SEC31A: variants seen among roughly 807,000 people sequenced by gnomAD.
SEC31A encodes the protein SEC31 homolog A, COPII component, also known as protein transport protein Sec31A.
A neutral mutation model predicts 151.0 loss-of-function variants in SEC31A; 70 were observed. The ratio of observed to expected loss-of-function variants is 0.46; its 90% CI spans 0.38 to 0.57. The LOEUF (loss-of-function observed/expected upper bound fraction) is 0.57. SEC31A is among the 20% of genes least tolerant of loss of function. The pLI is 0.00. For missense variants in SEC31A, 1,330 were observed against 1,471.2 expected (o/e 0.90, Z 1.57); for synonymous variants, 475 against 505.9 (o/e 0.94, Z 0.82).
intron 18 of SEC31A, among the ~76,000 whole-genome samples, chr4:82,852,646 C>T (rs1731708877): frequency 6.6e-6 from 1 of 152,044 alleles, no homozygotes; most frequent in Non-Finnish European, 1.5e-5. Context: ...AAATCTCTTT[C>T]CAGAAAGAGA....
At chr4:82,883,988 C>CT (rs11373334) in intron 1 of SEC31A, among the ~76,000 whole-genome samples, 121,298 of 125,950 alleles carry the variant, frequency 0.96, 58,621 homozygotes, top group South Asian at 0.99. Context: ...CTTTTCTATT[C>CT]TTTTTTTTTT....
Position 82,864,372 on chromosome 4 carries a change from G to C in SEC31A, c.1424C>G (p.Ser475Cys). The change falls in exon 11 of 27, where the codon TCC becomes TGC. Residue 475 changes from serine to cysteine, a missense_variant. Coordinates refer to ENST00000395310, the MANE Select transcript of SEC31A (RefSeq NM_001077207.4). ...SQTEFEKNVWSFLKVNFEDDS... is the reference protein window; with the variant it reads ...SQTEFEKNVWCFLKVNFEDDS... The stretch of plus-strand genomic sequence containing the variant: ...AAACAGCAACTTTACCTTCAAAAAG[G>C]ACCACACATTTTTCTCAAATTCAGT... The C allele has an allele frequency of 1.9e-6, 3 of 1,610,792 alleles. No individual in the cohort carries two copies. The South Asian group carries it at 3.3e-5, about 18-fold the overall frequency.
chr4:82,849,428 C>T (rs1730958723), intron 19 of SEC31A, among the ~76,000 whole-genome samples: 1 of 152,084 alleles, frequency 6.6e-6, no homozygotes, highest in East Asian at 1.9e-4. Flanking sequence ...TCCTGGCTAA[C>T]ACGGTGAAAC....
At chr4:82,839,167 T>G (rs1227345977) in intron 22 of SEC31A, among the ~76,000 whole-genome samples, 3 of 152,100 alleles carry the variant, frequency 2.0e-5, no homozygotes, top group African/African-American at 4.8e-5. Flanking sequence ...TTTTCTTTTT[T>G]GAGATGGAGT....
intron 17 of SEC31A, among the ~76,000 whole-genome samples, chr4:82,854,491 G>C (rs982657114): frequency 6.6e-6 from 1 of 151,504 alleles, no homozygotes; most frequent in African/African-American, 2.4e-5. Context: ...TTTATTCCTT[G>C]GCCACCAGTT....
rs141976934 is a variant in SEC31A, at chr4:82,842,451, C to A, written c.2657G>T (p.Gly886Val). 2 of 1,613,236 alleles carry A rather than the reference C, an allele frequency of 1.2e-6. No homozygotes were observed. The highest frequency in any genetic ancestry group is 1.7e-6 in the Non-Finnish European group (2 of 1,179,682). Residue 886 changes from glycine to valine, a missense_variant, in exon 22 of 27, where the codon GGA becomes GTA. Transcript: ENST00000395310. ...PYQPAQPYPF[G>V]TGGSAMYRPQ... ...TCGATACATTGCTGACCCCCCTGTT[C>A]CGAAGGGATACGGCTGGGCTGGTTG...
At chr4:82,877,169 C>T (rs1738153287) in intron 4 of SEC31A, among the ~76,000 whole-genome samples, 1 of 152,090 alleles carries the variant, frequency 6.6e-6, no homozygotes, top group African/African-American at 2.4e-5. Flanking sequence ...GTCAAGACTG[C>T]AGTGAGTCAT....
At chr4:82,828,673 C>CAAA (rs397994259) in intron 23 of SEC31A, among the ~76,000 whole-genome samples, 2,193 of 44,052 alleles carry the variant, frequency 0.05, 170 homozygotes, top group Non-Finnish European at 0.056. Flanking sequence ...CAAAGTAACT[C>CAAA]AAAAAAAAAA....
rs972599246 is a variant in SEC31A, at chr4:82,834,914, C to T, written c.2969-5856G>A. Reference sequence around the variant, plus strand: ...AGGCTGGAGTGCAATGGCACAATCCCGGCTCACTGCAACCTCTGCCTCCTG... The same window carrying T: ...AGGCTGGAGTGCAATGGCACAATCCTGGCTCACTGCAACCTCTGCCTCCTG... On this transcript the variant is annotated intron_variant, in intron 22 of 26. Coordinates refer to ENST00000395310, the MANE Select transcript of SEC31A (RefSeq NM_001077207.4). 6.6e-5 allele frequency among the ~76,000 whole-genome samples: 10 copies of T among 152,240 alleles called. 1 individual carries two copies. In the South Asian group the frequency reaches 1.7e-3, roughly 25 times the overall value.
chr4:82,853,068 G>C lies in SEC31A; in HGVS notation c.2154+502C>G, dbSNP rs572056879. ...TCACCCACTGCTCACCTCTTGCTGT[G>C]AGTCCAGGTTCCTAAGAGGCCACAG... On this transcript the variant is annotated intron_variant, in intron 18 of 26. Coordinates refer to ENST00000395310, the MANE Select transcript of SEC31A (RefSeq NM_001077207.4). Among the ~76,000 whole-genome samples, 74 of 152,332 alleles carry C rather than the reference G, an allele frequency of 4.9e-4. 1 individual carries two copies. In the South Asian group the frequency reaches 0.01, roughly 21 times the overall value.
rs546181718 is a variant in SEC31A, at chr4:82,890,935, G to A, written c.-5+153C>T. On this transcript the variant is annotated intron_variant, in intron 1 of 26. Coordinates refer to ENST00000395310, the MANE Select transcript of SEC31A (RefSeq NM_001077207.4). ...TGCCAGGCGTTGTTCCGCCGGGCCCGAAACCAAGACTAGGGGCGCGCCGTC... is the reference window on the plus strand; with the variant it reads ...TGCCAGGCGTTGTTCCGCCGGGCCCAAAACCAAGACTAGGGGCGCGCCGTC... 2.8e-5 allele frequency: 40 copies of A among 1,416,458 alleles called. No individual in the cohort carries two copies. In the African/African-American group the frequency reaches 5.2e-4, roughly 18 times the overall value. 87.7% of individuals were successfully genotyped at this position (1,416,458 alleles called of 1,614,324 possible). A position where few individuals can be genotyped will look rare whatever the true frequency, so the allele number is the denominator to read the frequency against.
intron 12 of SEC31A, 36 bp from the exon 13 acceptor site, chr4:82,862,608 A>G (rs979992742): frequency 2.5e-6 from 4 of 1,589,170 alleles, no homozygotes; most frequent in Non-Finnish European, 3.5e-6. Flanking sequence ...ACTACATGGA[A>G]TTCTATTTCA....
chr4:82,819,361 T>C (rs1722825583), intron 26 of SEC31A, 108 bp from the exon 27 acceptor site: 1 of 822,900 alleles, frequency 1.2e-6, no homozygotes, highest in African/African-American at 1.8e-5. Context: ...GAAACAAACA[T>C]TATAAAAATA....
intron 4 of SEC31A, chr4:82,878,122 T>TA (rs1738423178): frequency 6.6e-6 from 1 of 152,356 alleles, no homozygotes; most frequent in Non-Finnish European, 1.5e-5. Context: ...CATGAACTTT[T>TA]AAAAGGCAAG....
At chr4:82,889,402 T>C (rs920005475) in intron 1 of SEC31A, among the ~76,000 whole-genome samples, 2 of 152,018 alleles carry the variant, frequency 1.3e-5, no homozygotes, top group Admixed American at 6.6e-5. Context: ...AAAATAAGAT[T>C]AGTTGGGCGT....
chr4:82,867,277 C>T lies in SEC31A; in HGVS notation c.922G>A (p.Asp308Asn), dbSNP rs376703246. The change falls in exon 9 of 27, where the codon GAT (aspartate) becomes AAT (asparagine). Residue 308 changes from aspartate to asparagine, a missense_variant. By Grantham distance (23) the Asp-to-Asn change is conservative (BLOSUM62 1). Coordinates refer to ENST00000395310, the MANE Select transcript of SEC31A (RefSeq NM_001077207.4). ...ELPTNTQWCF[D>N]IQWCPRNPAV... ...GGATTTCGGGGACACCACTGAATAT[C>T]GAAGCACCACTGTGTGTTGGTGGGA... is the stretch of plus-strand genomic sequence containing the variant. The T allele has an allele frequency of 1.1e-5, 17 of 1,613,904 alleles. No individual in the cohort carries two copies. The highest frequency in any genetic ancestry group is 8.0e-5 in the African/African-American group (6 of 74,904).
chr4:82,874,964 T>C (rs1737583360), intron 5 of SEC31A, among the ~76,000 whole-genome samples: 1 of 152,248 alleles, frequency 6.6e-6, no homozygotes, highest in Non-Finnish European at 1.5e-5. Context: ...AAGTGTATTA[T>C]CTTGTTTCAT....
Position 82,880,888 on chromosome 4 carries a change from A to C in SEC31A, c.114T>G (p.Ser38Arg). Residue 38 changes from serine (S) to arginine (R), a missense_variant, in exon 3 of 27, where the codon AGT (serine) becomes AGG (arginine). By Grantham distance (110) the Ser-to-Arg change is moderately radical. Coordinates refer to ENST00000395310, the MANE Select transcript of SEC31A (RefSeq NM_001077207.4). ...CAAATATCTCAAGGGAAGCATTCGT[A>C]CTAAATGTTGCATCCAATTGCTGAG... ...TSAQQLDATF[S>R]TNASLEIFEL... The C allele has an allele frequency of 1.9e-6, 3 of 1,611,298 alleles. No homozygotes were observed. Among genetic ancestry groups the C allele is most frequent in the Non-Finnish European group, 2.5e-6 (3 of 1,177,644 alleles).
intron 22 of SEC31A, among the ~76,000 whole-genome samples, chr4:82,841,457 TATATATATATAC>T (rs1359266077): frequency 4.5e-5 from 5 of 112,124 alleles, no homozygotes; most frequent in Non-Finnish European, 9.6e-5. Flanking sequence ...TATATATATA[TATATATATATAC>T]ACACACACTA....
Sources: gnomAD v4.1 joint callset for allele counts (sites outside exome capture counted in the v4.1 genomes callset) on GRCh38, gnomAD v4.1.1 for gene constraint, MANE v1.5 for transcripts, NCBI Gene and HGNC (gene_info 2026-07-23, HGNC 2026-07-21) for gene names.